Variants in TTC28 observed in about 807,000 individuals in gnomAD.
TTC28 encodes the protein tetratricopeptide repeat protein 28.
A neutral mutation model predicts 198.0 loss-of-function variants in TTC28; 61 were observed. The ratio of observed to expected loss-of-function variants is 0.31; its 90% CI spans 0.25 to 0.38. The LOEUF (loss-of-function observed/expected upper bound fraction) is 0.38. TTC28 is among the 10% of genes least tolerant of loss of function. The pLI is 1.00. For synonymous variants in TTC28, 1,171 were observed against 1,297.8 expected, an observed-to-expected ratio of 0.90 and a Z score of 2.10; for missense variants, 2,678 against 3,164.0, an observed-to-expected ratio of 0.85 and a Z score of 3.69.
intron 2 of TTC28, among the ~76,000 whole-genome samples, chr22:28,601,789 C>CACACACAT (rs1386101740): frequency 6.7e-6 from 1 of 149,530 alleles, no homozygotes; most frequent in Non-Finnish European, 1.5e-5. Flanking sequence ...CACACACACA[C>CACACACAT]ACACACACAC....
intron 2 of TTC28, among the ~76,000 whole-genome samples, chr22:28,592,893 A>G (rs1041551653): frequency 6.6e-6 from 1 of 152,202 alleles, no homozygotes; most frequent in Non-Finnish European, 1.5e-5. Context: ...ATTATTGACC[A>G]TCATCTGGGC....
intron 6 of TTC28, among the ~76,000 whole-genome samples, chr22:28,158,779 T>C (rs1312487669): frequency 1.3e-5 from 2 of 152,222 alleles, no homozygotes; most frequent in East Asian, 3.8e-4. Context: ...GATTAAAGAC[T>C]TTAAATCTAT....
Position 28,070,326 on chromosome 22 carries a change from G to C in TTC28, c.3932+23754C>G, listed in dbSNP as rs149037574. 9.9e-4 allele frequency among the ~76,000 whole-genome samples: 150 copies of C among 152,174 alleles called. 1 individual carries two copies. The highest frequency in any genetic ancestry group is 2.9e-3 in the African/African-American group (120 of 41,548). Reference sequence around the variant, plus strand: ...CACACAATAAATACTACTGTGATTAGGGACAGCCAAAAAAGGAAAGACACA... The same window carrying C: ...CACACAATAAATACTACTGTGATTACGGACAGCCAAAAAAGGAAAGACACA... On this transcript the variant is annotated intron_variant, in intron 12 of 22. Transcript: ENST00000397906.
intron 14 of TTC28, among the ~76,000 whole-genome samples, chr22:28,009,595 G>C (rs1381218698): frequency 6.6e-6 from 1 of 152,192 alleles, no homozygotes; most frequent in East Asian, 1.9e-4. Flanking sequence ...GGGCAGCGCA[G>C]GTGACGGGTG....
intron 2 of TTC28, among the ~76,000 whole-genome samples, chr22:28,369,357 CT>C (rs1267290096): frequency 6.6e-6 from 1 of 152,166 alleles, no homozygotes; most frequent in African/African-American, 2.4e-5. Flanking sequence ...ATAAATGATG[CT>C]GATAAATCAT....
chr22:28,484,665 C>G (rs1342884423), intron 2 of TTC28, among the ~76,000 whole-genome samples: 4 of 152,118 alleles, frequency 2.6e-5, no homozygotes, highest in African/African-American at 9.7e-5. Context: ...ACACTAAACT[C>G]ATAACAAACA....
intron 2 of TTC28, among the ~76,000 whole-genome samples, chr22:28,548,450 A>AT (rs113934180): frequency 0.036 from 5,451 of 152,048 alleles, 156 homozygotes; most frequent in African/African-American, 0.069. Context: ...TTAAAGCTAC[A>AT]TTTTTTTTAA....
At chr22:28,602,314 C>T (rs574362507) in intron 2 of TTC28, among the ~76,000 whole-genome samples, 14 of 152,204 alleles carry the variant, frequency 9.2e-5, no homozygotes, top group South Asian at 2.1e-4. Flanking sequence ...CTTCTTGCCA[C>T]GTAATTGATC....
chr22:28,312,034 C>CAAAAAAAAAAAA (rs200319220), intron 2 of TTC28, among the ~76,000 whole-genome samples: 1 of 90,072 alleles, frequency 1.1e-5, no homozygotes. Context: ...AAATAGAAAG[C>CAAAAAAAAAAAA]AAAAAAAAAA....
chr22:28,323,197 T>C (rs1457612267), intron 2 of TTC28, among the ~76,000 whole-genome samples: 1 of 152,158 alleles, frequency 6.6e-6, no homozygotes, highest in Non-Finnish European at 1.5e-5. Flanking sequence ...AACTCTTCAA[T>C]GCACAGACAC....
intron 5 of TTC28, among the ~76,000 whole-genome samples, chr22:28,293,373 A>C (rs1365858210): frequency 6.6e-6 from 1 of 152,140 alleles, no homozygotes; most frequent in Non-Finnish European, 1.5e-5. Context: ...CAGACACAGA[A>C]AGAAAATTAC....
At chr22:28,419,276 G>T (rs2047213215) in intron 2 of TTC28, among the ~76,000 whole-genome samples, 1 of 152,024 alleles carries the variant, frequency 6.6e-6, no homozygotes, top group African/African-American at 2.4e-5. Flanking sequence ...TCTTTTCCAA[G>T]AAGTCTTCTC....
intron 21 of TTC28, among the ~76,000 whole-genome samples, chr22:27,988,281 C>CTTTTTTTT (rs138641): frequency 8.0e-5 from 8 of 99,430 alleles, no homozygotes; most frequent in African/African-American, 2.4e-4. Flanking sequence ...AAGAAGCTTG[C>CTTTTTTTT]TTTTTTTTTT....
intron 12 of TTC28, among the ~76,000 whole-genome samples, chr22:28,038,284 G>T (rs1043317584): frequency 6.6e-6 from 1 of 152,204 alleles, no homozygotes; most frequent in African/African-American, 2.4e-5. Flanking sequence ...CAAGGCTACA[G>T]TAACCAAAAC....
In TTC28 at chr22:28,317,750, C is replaced by G. The variant is rs150106818; in HGVS notation, c.382-11107G>C. On this transcript the variant is annotated intron_variant, in intron 2 of 22. Transcript: ENST00000397906. ...ACTTTAGTTTCCCTGTGTTGCCATA[C>G]ATATCCTGTAATTAGGTCTACATAA... is the stretch of plus-strand genomic sequence containing the variant. Among the ~76,000 whole-genome samples the G allele has an allele frequency of 2.0e-5, 3 of 152,268 alleles. No homozygotes were observed. In the South Asian group the frequency reaches 6.2e-4, roughly 32 times the overall value.
chr22:28,427,696 A>G (rs1329815496), intron 2 of TTC28, among the ~76,000 whole-genome samples: 1 of 152,224 alleles, frequency 6.6e-6, no homozygotes, highest in Non-Finnish European at 1.5e-5. Context: ...TTATGTGTAT[A>G]AATTATTATA....
chr22:28,442,354 A>AG (rs2047637140), intron 2 of TTC28, among the ~76,000 whole-genome samples: 1 of 152,252 alleles, frequency 6.6e-6, no homozygotes, highest in South Asian at 2.1e-4. Flanking sequence ...CTCAGGCAGG[A>AG]GGCCTCTCGG....
At chr22:28,043,242 C>CAAAAAAAAAAAAAAAAAAAAAAAAAAAAA (rs11362041) in intron 12 of TTC28, among the ~76,000 whole-genome samples, 1 of 65,578 alleles carries the variant, frequency 1.5e-5, no homozygotes, top group Non-Finnish European at 2.8e-5. Context: ...GACTCCATCT[C>CAAAAAAAAAAAAAAAAAAAAAAAAAAAAA]AAAAAAAAAA....
At chr22:28,376,161 T>A (rs1264417738) in intron 2 of TTC28, among the ~76,000 whole-genome samples, 1 of 152,168 alleles carries the variant, frequency 6.6e-6, no homozygotes, top group Admixed American at 6.5e-5. Flanking sequence ...TACCTTTCTA[T>A]CTACTATTGG....
Sources: gnomAD v4.1 joint callset for allele counts (sites outside exome capture counted in the v4.1 genomes callset) on GRCh38, gnomAD v4.1.1 for gene constraint, MANE v1.5 for transcripts, NCBI Gene and HGNC (gene_info 2026-07-23, HGNC 2026-07-21) for gene names.